The following NPR3 variants were observed in gnomAD, a reference collection of about 807,000 sequenced individuals.
NPR3 encodes natriuretic peptide receptor 3, also known as atrial natriuretic peptide receptor 3.
In NPR3, 34 loss-of-function variants were observed where a neutral mutation model predicts 54.5. The ratio of observed to expected loss-of-function variants is 0.62; its 90% CI spans 0.47 to 0.83. The LOEUF (loss-of-function observed/expected upper bound fraction) is 0.83, where lower values mean the gene tolerates loss of function less well. NPR3 is among the 40% of genes least tolerant of loss of function. The probability of loss-of-function intolerance (pLI) is 0.00; values close to 1 mark genes in which losing one functional copy is unlikely to be tolerated. For synonymous variants in NPR3, 289 were observed against 297.1 expected (o/e 0.97, Z 0.28); for missense variants, 674 against 720.8 (o/e 0.94, Z 0.74).
chr5:32,707,463 A>T (rs1443977486), upstream of NPR3, among the ~76,000 whole-genome samples: 4 of 152,108 alleles, frequency 2.6e-5, no homozygotes, highest in Admixed American at 2.6e-4. Context: ...TTTTTTCCCC[A>T]CTTCTTGAAT....
At chr5:32,767,017 T>G (rs1488053342) in intron 3 of NPR3, among the ~76,000 whole-genome samples, 1 of 152,238 alleles carries the variant, frequency 6.6e-6, no homozygotes, top group Non-Finnish European at 1.5e-5. Context: ...CAGGTGCAGT[T>G]TCTGTTCCTC....
intron 1 of NPR3, among the ~76,000 whole-genome samples, chr5:32,714,419 C>G (rs1738439959): frequency 6.6e-6 from 1 of 151,850 alleles, no homozygotes; most frequent in Non-Finnish European, 1.5e-5. Flanking sequence ...TGGTGCGCCC[C>G]GGGCTTCTGA....
intron 2 of NPR3, among the ~76,000 whole-genome samples, chr5:32,726,738 G>A (rs1409812761): frequency 1.3e-5 from 2 of 152,280 alleles, no homozygotes; most frequent in South Asian, 2.1e-4. Flanking sequence ...CATGAGTATT[G>A]TAGACAATTT....
intron 6 of NPR3, 80 bp downstream of exon 6, chr5:32,783,108 C>T: frequency 7.4e-7 from 1 of 1,357,172 alleles, no homozygotes; most frequent in Non-Finnish European, 1.0e-6. Flanking sequence ...CCAAGTGTTT[C>T]TAGGGCCTTA....
intron 4 of NPR3, among the ~76,000 whole-genome samples, chr5:32,779,823 A>C (rs776430061): frequency 9.9e-5 from 15 of 152,238 alleles, no homozygotes; most frequent in Non-Finnish European, 1.9e-4. Context: ...TAATAACGAC[A>C]GTAGATGAAA....
intron 3 of NPR3, among the ~76,000 whole-genome samples, chr5:32,765,596 C>T (rs1202107627): frequency 6.6e-6 from 1 of 152,172 alleles, no homozygotes; most frequent in African/African-American, 2.4e-5. Flanking sequence ...CATCAGGGAG[C>T]TTGTGCAGTA....
chr5:32,766,949 T>C (rs1741502011), intron 3 of NPR3, among the ~76,000 whole-genome samples: 1 of 152,226 alleles, frequency 6.6e-6, no homozygotes. Flanking sequence ...AATTAGCTTG[T>C]TGTCTTACGT....
rs1324958176 is a variant in NPR3, at chr5:32,711,997, C to T, written c.221C>T (p.Pro74Leu). 1.2e-6 allele frequency: 2 copies of T among 1,612,178 alleles called. No homozygotes were observed. Among genetic ancestry groups the T allele is most frequent in the Non-Finnish European group, 1.7e-6 (2 of 1,179,108 alleles). Residue 74 changes from proline (P) to leucine (L), a missense_variant, in exon 1 of 8, where the codon CCG (proline) becomes CTG (leucine). Pro to Leu is a moderately conservative substitution (Grantham distance 98). Transcript: ENST00000265074. ...SYLFSLTRVR[P>L]AIEYALRSVE... Reference sequence around the variant, plus strand: ...TTGTTTTCACTCACCCGGGTGCGGCCGGCCATCGAGTATGCTCTGCGCAGC... The same window carrying T: ...TTGTTTTCACTCACCCGGGTGCGGCTGGCCATCGAGTATGCTCTGCGCAGC...
At chr5:32,698,508 G>T (rs1740588120) in intron 1 of NPR3, among the ~76,000 whole-genome samples, 1 of 152,072 alleles carries the variant, frequency 6.6e-6, no homozygotes, top group Non-Finnish European at 1.5e-5. Context: ...CTATAATGCA[G>T]GTTAAGTTCA....
Position 32,787,260 on chromosome 5 carries a change from A to G in NPR3, c.*915A>G, listed in dbSNP as rs948292317. 2 of 152,512 alleles carry G rather than the reference A, an allele frequency of 1.3e-5. No homozygotes were observed. Among genetic ancestry groups the G allele is most frequent in the African/African-American group, 4.8e-5 (2 of 41,448 alleles). The allele number at this position is 152,512 out of a possible 1,614,324, so 9.4% of individuals were successfully genotyped here. A position where few individuals can be genotyped will look rare whatever the true frequency, so the allele number is the denominator to read the frequency against. On this transcript the variant is annotated 3_prime_UTR_variant, in exon 8 of 8. Transcript: ENST00000265074. ...CCAAATGCTAATTGCTGCTTTAATT[A>G]CAGAGATGTGTAAATGTATTCAGAT...
chr5:32,696,986 T>G (rs552625840), intron 1 of NPR3, among the ~76,000 whole-genome samples: 2 of 152,258 alleles, frequency 1.3e-5, no homozygotes, highest in Non-Finnish European at 2.9e-5. Flanking sequence ...CTTTATTTCT[T>G]TCTCTTGTCT....
At chr5:32,775,708 G>A (rs765558818) in intron 4 of NPR3, among the ~76,000 whole-genome samples, 3 of 151,810 alleles carry the variant, frequency 2.0e-5, no homozygotes, top group Middle Eastern at 3.4e-3. Context: ...AGTGATTCTC[G>A]TACCTCAGCC....
intron 3 of NPR3, among the ~76,000 whole-genome samples, chr5:32,754,425 A>G (rs1740730723): frequency 6.6e-6 from 1 of 152,060 alleles, no homozygotes; most frequent in African/African-American, 2.4e-5. Flanking sequence ...CCGAGTGTAG[A>G]ACCTCCCCAT....
chr5:32,757,759 T>A (rs141886276), intron 3 of NPR3, among the ~76,000 whole-genome samples: 6,294 of 152,310 alleles, frequency 0.041, 144 homozygotes, highest in Non-Finnish European at 0.051. Flanking sequence ...GCTCTTATTA[T>A]TTTGAGATAT....
At chr5:32,713,972 A>G (rs1163013110) in intron 1 of NPR3, among the ~76,000 whole-genome samples, 1 of 152,238 alleles carries the variant, frequency 6.6e-6, no homozygotes, top group Non-Finnish European at 1.5e-5. Flanking sequence ...CGTGTGTCCA[A>G]CGGCTGCGGA....
chr5:32,764,486 G>A (rs1741338229), intron 3 of NPR3, among the ~76,000 whole-genome samples: 1 of 151,914 alleles, frequency 6.6e-6, no homozygotes. Flanking sequence ...CTTTCAAGTA[G>A]TTCTTCAAAA....
At chr5:32,777,700 A>C (rs1281099423) in intron 4 of NPR3, among the ~76,000 whole-genome samples, 1 of 152,130 alleles carries the variant, frequency 6.6e-6, no homozygotes, top group Non-Finnish European at 1.5e-5. Context: ...GGTAGATTTC[A>C]TTTCTCTCTA....
intron 5 of NPR3, among the ~76,000 whole-genome samples, chr5:32,781,415 T>C (rs10075794): frequency 0.18 from 27,693 of 152,170 alleles, 2,835 homozygotes; most frequent in South Asian, 0.3. Context: ...ATTATACAAA[T>C]ATGCAGTTCT....
intron 1 of NPR3, among the ~76,000 whole-genome samples, chr5:32,694,528 G>A (rs985831434): frequency 8.5e-5 from 13 of 152,134 alleles, no homozygotes; most frequent in Admixed American, 2.0e-4. Context: ...TGATATCTGC[G>A]TTTTATTTAT....
Sources: gnomAD v4.1 joint callset for allele counts (sites outside exome capture counted in the v4.1 genomes callset) on GRCh38, gnomAD v4.1.1 for gene constraint, MANE v1.5 for transcripts, NCBI Gene and HGNC (gene_info 2026-07-23, HGNC 2026-07-21) for gene names.